The following SLC7A5 variants were observed in gnomAD, a reference collection of about 807,000 sequenced individuals.
SLC7A5 encodes the protein solute carrier family 7 member 5.
In SLC7A5, 23 loss-of-function variants were observed where a neutral mutation model predicts 50.2. That is an observed-to-expected ratio of 0.46 (90% confidence interval 0.33 to 0.65). SLC7A5 has a LOEUF of 0.65. SLC7A5 is among the 30% of genes least tolerant of loss of function. SLC7A5 has a pLI of 0.02. For synonymous variants in SLC7A5, 393 were observed against 330.6 expected (o/e 1.19, Z -2.05); for missense variants, 578 against 684.4 (o/e 0.84, Z 1.73).
chr16:87,854,937 G>A (rs953732960), intron 1 of SLC7A5, among the ~76,000 whole-genome samples: 7 of 152,212 alleles, frequency 4.6e-5, no homozygotes, highest in Non-Finnish European at 8.8e-5. Context: ...ATCAGCCACA[G>A]AAACATCCTC....
At chr16:87,864,044 C>A (rs1466608393) in intron 1 of SLC7A5, among the ~76,000 whole-genome samples, 1 of 128,712 alleles carries the variant, frequency 7.8e-6, no homozygotes, top group African/African-American at 2.8e-5. Flanking sequence ...GTAATCCCAG[C>A]ACTTTGGGAG....
In SLC7A5 at chr16:87,841,730, G is replaced by A. The variant is rs2055085521; in HGVS notation, c.665-575C>T. On this transcript the variant is annotated intron_variant, in intron 2 of 9. Transcript: ENST00000261622. The surrounding 1 kb of genome is among the most constrained non-coding windows in gnomAD (Gnocchi z 4.8). Reference sequence around the variant, plus strand: ...GCAGCCGGGGCAGGGGCAGGAGCAGGGCTGCCAGGGCCGAGAACGATCCCC... The same window carrying A: ...GCAGCCGGGGCAGGGGCAGGAGCAGAGCTGCCAGGGCCGAGAACGATCCCC... Among the ~76,000 whole-genome samples the A allele has an allele frequency of 6.6e-6, 1 of 152,216 alleles. No individual in the cohort carries two copies. Among genetic ancestry groups the A allele is most frequent in the Non-Finnish European group, 1.5e-5 (1 of 68,036 alleles).
At chr16:87,864,127 A>C (rs2055432887) in intron 1 of SLC7A5, among the ~76,000 whole-genome samples, 4 of 150,212 alleles carry the variant, frequency 2.7e-5, no homozygotes. Context: ...CCCTGTCTCT[A>C]CTAAAAAATA....
At chr16:87,865,233 C>A (rs2055445316) in intron 1 of SLC7A5, among the ~76,000 whole-genome samples, 1 of 152,056 alleles carries the variant, frequency 6.6e-6, no homozygotes, top group African/African-American at 2.4e-5. Flanking sequence ...ATACTCACCA[C>A]ACACACAGGT....
Position 87,852,638 on chromosome 16 carries a change from C to CTGTGTGTGTGTGTGTGTGTG in SLC7A5, c.539-809_539-790dup, listed in dbSNP as rs61164920. On this transcript the variant is annotated intron_variant, in intron 1 of 9. Transcript: ENST00000261622. This position sits in a 1 kb window ranked among gnomAD's most constrained non-coding sequence, Gnocchi z 4.5. ...CTGTAAGGCACCCAGCTCTGAGCCT[C>CTGTGTGTGTGTGTGTGTGTG]TGTGTGTGTGTGTGTGTGTGTGTGT... Among the ~76,000 whole-genome samples, 35 of 116,854 alleles carry CTGTGTGTGTGTGTGTGTGTG rather than the reference C, an allele frequency of 3.0e-4. No homozygotes were observed. Among genetic ancestry groups the CTGTGTGTGTGTGTGTGTGTG allele is most frequent in the East Asian group, 1.7e-3 (6 of 3,430 alleles). The allele number at this position is 116,854 out of a possible 152,430, so 76.7% of individuals were successfully genotyped here.
rs2055399684 is a variant in SLC7A5 at position 87,861,631 on chromosome 16, T to C, written c.538+7254A>G. 6.6e-6 allele frequency among the ~76,000 whole-genome samples: 1 copy of C among 152,164 alleles called. No individual in the cohort carries two copies. The highest frequency in any genetic ancestry group is 1.5e-5 in the Non-Finnish European group (1 of 68,010). On this transcript the variant is annotated intron_variant, in intron 1 of 9. Transcript: ENST00000261622. The surrounding 1 kb of genome is among the most constrained non-coding windows in gnomAD (Gnocchi z 4.2). ...GTGTGCCCTACCTTGGACACCCCTC[T>C]CCTGGGGGTGGCTCTCAACCTGGCC... is the stretch of plus-strand genomic sequence containing the variant.
In SLC7A5 at chr16:87,869,170, C is replaced by A; in HGVS notation, c.253G>T (p.Ala85Ser). The A allele has an allele frequency of 6.2e-7, 1 of 1,612,196 alleles. No homozygotes were observed. The highest frequency in any genetic ancestry group is 8.5e-7 in the Non-Finnish European group (1 of 1,179,736). ...VLKEAGSPGL[A>S]LVVWAACGVF... ...CCGCACGCGGCCCACACCACCAGCG[C>A]CAGCCCCGGCGAGCCTGCCTCCTTG... The change falls in exon 1 of 10, where the codon GCG (alanine) becomes TCG (serine). Residue 85 changes from alanine (A) to serine (S), a missense_variant. Physicochemically the swap from Ala to Ser is moderately conservative, Grantham distance 99. Around this residue, in one of 2 missense-constraint regions of SLC7A5, gnomAD observed 465 missense variants for 594.6 expected, o/e 0.78. Transcript: ENST00000261622.
chr16:87,846,957 C>G (rs957950471), intron 2 of SLC7A5, among the ~76,000 whole-genome samples: 1 of 152,130 alleles, frequency 6.6e-6, no homozygotes, highest in Admixed American at 6.5e-5. Context: ...ACACCCTGGC[C>G]GGGGGGCGGC....
intron 1 of SLC7A5, among the ~76,000 whole-genome samples, chr16:87,854,878 C>A (rs117779022): frequency 6.6e-6 from 1 of 152,326 alleles, no homozygotes; most frequent in East Asian, 1.9e-4. Context: ...TTGGAGGAAC[C>A]CCTGCCCTCC....
At position 87,860,217 on chromosome 16, in the gene SLC7A5, C is replaced by T. The variant is rs550715797; in HGVS notation, c.539-8368G>A. On this transcript the variant is annotated intron_variant, in intron 1 of 9. Coordinates refer to ENST00000261622, the MANE Select transcript of SLC7A5 (RefSeq NM_003486.7). This position sits in a 1 kb window ranked among gnomAD's most constrained non-coding sequence, Gnocchi z 4.8. ...GCATGGTGGTGCATGCCTGTAGTCC[C>T]AGCTACTCGGGAAGCTAAGGCAGGA... Among the ~76,000 whole-genome samples, 12 of 151,748 alleles carry T rather than the reference C, an allele frequency of 7.9e-5. No individual in the cohort carries two copies. Among genetic ancestry groups the T allele is most frequent in the Admixed American group, 3.9e-4 (6 of 15,228 alleles).
chr16:87,838,111 C>T (rs1483830358), intron 6 of SLC7A5, among the ~76,000 whole-genome samples, 170 bp from the exon 7 acceptor site: 3 of 152,204 alleles, frequency 2.0e-5, no homozygotes, highest in South Asian at 2.1e-4. Context: ...TCTCAGTTCC[C>T]CCAACCAACT....
intron 2 of SLC7A5, among the ~76,000 whole-genome samples, chr16:87,849,515 C>T (rs1432242069): frequency 1.3e-5 from 2 of 152,204 alleles, no homozygotes; most frequent in African/African-American, 4.8e-5. Flanking sequence ...ACAAAAATCA[C>T]GTTCCCCTCC....
intron 1 of SLC7A5, among the ~76,000 whole-genome samples, chr16:87,868,304 G>A (rs2055488952): frequency 1.3e-5 from 2 of 152,160 alleles, no homozygotes; most frequent in East Asian, 1.9e-4. Context: ...GCCAAGCTCC[G>A]CTCTCTCACT....
rs1465672581 is a variant in SLC7A5 at position 87,860,365 on chromosome 16, C to T, written c.539-8516G>A. Among the ~76,000 whole-genome samples, 37 of 143,776 alleles carry T rather than the reference C, an allele frequency of 2.6e-4. No homozygotes were observed. Among genetic ancestry groups the T allele is most frequent in the African/African-American group, 8.1e-4 (30 of 37,092 alleles). The allele number at this position is 143,776 out of a possible 152,430, so 94.3% of individuals were successfully genotyped here. ...ATACACACACACACACACACACACACACACACACACACACACACACACACA... is the reference window on the plus strand; with the variant it reads ...ATACACACACACACACACACACACATACACACACACACACACACACACACA... On this transcript the variant is annotated intron_variant, in intron 1 of 9. Transcript: ENST00000261622. The surrounding 1 kb of genome is among the most constrained non-coding windows in gnomAD (Gnocchi z 4.8).
At chr16:87,863,869 C>T (rs1238653215) in intron 1 of SLC7A5, among the ~76,000 whole-genome samples, 1 of 151,426 alleles carries the variant, frequency 6.6e-6, no homozygotes, top group Non-Finnish European at 1.5e-5. Flanking sequence ...AGGATCCAGA[C>T]CCGAAAGCCA....
chr16:87,838,852 G>C, intron 5 of SLC7A5, 35 bp from the exon 6 acceptor site: 1 of 1,545,632 alleles, frequency 6.5e-7, no homozygotes, highest in East Asian at 2.2e-5. Context: ...GGGCCCCACC[G>C]GGCCGGCCCT....
chr16:87,834,691 G>C, intron 8 of SLC7A5, 100 bp from the exon 9 acceptor site: 1 of 1,248,108 alleles, frequency 8.0e-7, no homozygotes, highest in Non-Finnish European at 1.1e-6. Flanking sequence ...CACACCCACG[G>C]CTGCTGACTT....
intron 1 of SLC7A5, among the ~76,000 whole-genome samples, chr16:87,868,603 C>T (rs1056236138): frequency 3.3e-5 from 5 of 152,316 alleles, no homozygotes; most frequent in African/African-American, 1.2e-4. Context: ...GTGGCACTTG[C>T]CTAAACCGCT....
rs2143787377 is a variant in SLC7A5 at position 87,852,196 on chromosome 16, G to A, written c.539-347C>T. Among the ~76,000 whole-genome samples, 1 of 152,294 alleles carries A rather than the reference G, an allele frequency of 6.6e-6. No homozygotes were observed. The highest frequency in any genetic ancestry group is 2.4e-5 in the African/African-American group (1 of 41,554). On this transcript the variant is annotated intron_variant, in intron 1 of 9. Coordinates refer to ENST00000261622, the MANE Select transcript of SLC7A5 (RefSeq NM_003486.7). The surrounding 1 kb of genome is among the most constrained non-coding windows in gnomAD (Gnocchi z 4.5). Reference sequence around the variant, plus strand: ...CTCCAGAGACCCAGGTGAGCAAGGTGACCCTGCCACTTGGAAGGCGCCCAT... The same window carrying A: ...CTCCAGAGACCCAGGTGAGCAAGGTAACCCTGCCACTTGGAAGGCGCCCAT...
Sources: gnomAD v4.1 joint callset for allele counts (sites outside exome capture counted in the v4.1 genomes callset) on GRCh38, gnomAD v4.1.1 for gene constraint, gnomAD v4.1.1 regional missense constraint, Gnocchi (gnomAD v3.1) non-coding constraint, MANE v1.5 for transcripts, NCBI Gene and HGNC (gene_info 2026-07-23, HGNC 2026-07-21) for gene names.